HSF2BP: variants seen among roughly 807,000 people sequenced by gnomAD.
HSF2BP encodes the protein heat shock factor 2-binding protein.
HSF2BP carries 35 observed loss-of-function variants against 35.0 expected under a neutral mutation model. The ratio of observed to expected loss-of-function variants is 1.00; its 90% CI spans 0.76 to 1.32. HSF2BP has a LOEUF of 1.32. Ranked by LOEUF, HSF2BP falls within the 40% of genes most tolerant of loss-of-function variation. HSF2BP has a pLI of 0.00. For synonymous variants in HSF2BP, 114 were observed against 117.4 expected, an observed-to-expected ratio of 0.97 and a Z score of 0.18; for missense variants, 326 against 321.7, an observed-to-expected ratio of 1.01 and a Z score of -0.10.
intron 7 of HSF2BP, among the ~76,000 whole-genome samples, chr21:43,604,495 CCA>C (rs958157561): frequency 3.8e-4 from 43 of 112,966 alleles, no homozygotes; most frequent in African/African-American, 1.2e-3. Flanking sequence ...CACACACACA[CCA>C]CACACTACAC....
chr21:43,628,935 T>C (rs368749428), intron 6 of HSF2BP, among the ~76,000 whole-genome samples: 3 of 152,216 alleles, frequency 2.0e-5, no homozygotes, highest in Non-Finnish European at 4.4e-5. Context: ...GTTTCCAGCA[T>C]GGTTTACTGA....
At chr21:43,467,421 A>G in the HSF2BP span, 1 of 80,982 alleles carries the variant, frequency 1.2e-5, no homozygotes, top group African/African-American at 5.4e-5. Context: ...GGACAGACAC[A>G]CCGACCACAT....
rs1159863199 is a variant in HSF2BP at position 43,629,402 on chromosome 21, C to T, written c.574+920G>A. Among the ~76,000 whole-genome samples the T allele has an allele frequency of 5.9e-5, 9 of 152,238 alleles. No homozygotes were observed. The South Asian group carries it at 1.5e-3, about 25-fold the overall frequency. ...CCAACATGGAGAAACCCCATCTCTACTAAAAATACAAAATTAGCTGGGCAT... is the reference window on the plus strand; with the variant it reads ...CCAACATGGAGAAACCCCATCTCTATTAAAAATACAAAATTAGCTGGGCAT... On this transcript the variant is annotated intron_variant, in intron 6 of 8. Coordinates refer to ENST00000291560, the MANE Select transcript of HSF2BP (RefSeq NM_007031.2).
At position 43,640,414 on chromosome 21, in the gene HSF2BP, G is replaced by T. The variant is rs2082620552; in HGVS notation, c.291+3875C>A. On this transcript the variant is annotated intron_variant, in intron 4 of 8. Coordinates refer to ENST00000291560, the MANE Select transcript of HSF2BP (RefSeq NM_007031.2). ...CCAGGGGCAAGGCAGAGGGAATGGG[G>T]TGGATGTGGCTATAAAGGGGTAGCA... is the stretch of plus-strand genomic sequence containing the variant. Among the ~76,000 whole-genome samples, 4 of 152,362 alleles carry T rather than the reference G, an allele frequency of 2.6e-5. No homozygotes were observed. The South Asian group carries it at 8.3e-4, about 32-fold the overall frequency.
chr21:43,614,060 A>G, intron 6 of HSF2BP, 113 bp from the exon 7 acceptor site: 1 of 751,786 alleles, frequency 1.3e-6, no homozygotes, highest in Admixed American at 2.6e-5. Context: ...ACAGCTGAAA[A>G]TGAGGCATTT....
chr21:43,587,310 T>G (rs1017578373), intron 8 of HSF2BP, among the ~76,000 whole-genome samples: 3 of 152,108 alleles, frequency 2.0e-5, no homozygotes, highest in African/African-American at 7.2e-5. Context: ...TGCAATGGAT[T>G]TATGAGGGGT....
At chr21:43,588,164 G>A (rs1353363367) in intron 8 of HSF2BP, among the ~76,000 whole-genome samples, 2 of 152,132 alleles carry the variant, frequency 1.3e-5, no homozygotes, top group Non-Finnish European at 2.9e-5. Flanking sequence ...GATCACCTGA[G>A]GTCAGGAGTT....
intron 8 of HSF2BP, among the ~76,000 whole-genome samples, chr21:43,581,514 T>C (rs962915851): frequency 2.0e-5 from 3 of 152,150 alleles, no homozygotes; most frequent in Non-Finnish European, 2.9e-5. Context: ...CTGCAAGCCA[T>C]AGGGCTCCTC....
intron 6 of HSF2BP, among the ~76,000 whole-genome samples, chr21:43,625,658 T>C (rs1015422386): frequency 1.5e-4 from 23 of 152,208 alleles, no homozygotes; most frequent in African/African-American, 5.1e-4. Context: ...ATGGTCTCTA[T>C]TACCTATCCC....
intron 5 of HSF2BP, 138 bp from the exon 6 acceptor site, chr21:43,630,592 T>A: frequency 1.7e-6 from 2 of 1,156,522 alleles, no homozygotes; most frequent in Non-Finnish European, 2.3e-6. Flanking sequence ...AAGTTCCCAT[T>A]AAAAGAACAG....
intron 1 of HSF2BP, 103 bp from the exon 2 acceptor site, chr21:43,658,423 G>C (rs79518293): frequency 0.024 from 8,037 of 330,944 alleles, 105 homozygotes; most frequent in Middle Eastern, 0.058. Flanking sequence ...AAGGGGGACT[G>C]CGTTCAAATG....
In HSF2BP at chr21:43,613,188, T is replaced by A. The variant is rs144046573; in HGVS notation, c.692+642A>T. 1.5e-3 allele frequency among the ~76,000 whole-genome samples: 233 copies of A among 152,254 alleles called. 2 individuals carry two copies. The highest frequency in any genetic ancestry group is 5.3e-3 in the African/African-American group (220 of 41,532). On this transcript the variant is annotated intron_variant, in intron 7 of 8. Coordinates refer to ENST00000291560, the MANE Select transcript of HSF2BP (RefSeq NM_007031.2). ...TCAGAGACTGGAAACGTGGGAAGGA[T>A]TCAATGAGCGACTGTGGCTTGAAGA...
At chr21:43,633,525 A>G (rs762843793) in intron 4 of HSF2BP, 104 bp from the exon 5 acceptor site, 8 of 1,013,912 alleles carry the variant, frequency 7.9e-6, no homozygotes, top group Admixed American at 3.2e-5. Context: ...AAATGCATGT[A>G]TAATTATAGA....
At chr21:43,467,882 C>A in the HSF2BP span, among the ~76,000 whole-genome samples, 34 of 123,810 alleles carry the variant, frequency 2.7e-4, no homozygotes, top group African/African-American at 7.4e-4. Context: ...AAACACACCA[C>A]ACACACCACA....
intron 4 of HSF2BP, among the ~76,000 whole-genome samples, chr21:43,638,896 G>C (rs999387454): frequency 6.6e-6 from 1 of 152,216 alleles, no homozygotes; most frequent in Non-Finnish European, 1.5e-5. Context: ...ATTTTATCCA[G>C]TGTTAAGGCT....
At chr21:43,577,368 TG>T (rs1158747104) in intron 8 of HSF2BP, among the ~76,000 whole-genome samples, 1 of 152,244 alleles carries the variant, frequency 6.6e-6, no homozygotes, top group Non-Finnish European at 1.5e-5. Context: ...ATACTTCAAC[TG>T]GAAGTACAAA....
At chr21:43,584,440 G>A (rs2081818941) in intron 8 of HSF2BP, among the ~76,000 whole-genome samples, 1 of 152,150 alleles carries the variant, frequency 6.6e-6, no homozygotes, top group Non-Finnish European at 1.5e-5. Flanking sequence ...TTCTGTTGGG[G>A]CTCCAACTGA....
At chr21:43,638,620 G>C (rs536504488) in intron 4 of HSF2BP, among the ~76,000 whole-genome samples, 105 of 152,234 alleles carry the variant, frequency 6.9e-4, no homozygotes, top group Admixed American at 1.5e-3. Flanking sequence ...TCTAGATGCT[G>C]AAAATAATTG....
intron 6 of HSF2BP, among the ~76,000 whole-genome samples, chr21:43,618,958 A>G (rs1034063418): frequency 1.2e-4 from 18 of 151,998 alleles, no homozygotes; most frequent in Non-Finnish European, 2.5e-4. Context: ...AAAAGAAAAA[A>G]AAAAAAGAAA....
Sources: allele counts gnomAD v4.1 joint callset (sites outside exome capture counted in the v4.1 genomes callset), GRCh38; gene constraint gnomAD v4.1.1; transcripts MANE v1.5; gene names NCBI Gene and HGNC (gene_info 2026-07-23, HGNC 2026-07-21).